The following AGBL4 variants were observed in gnomAD, a reference collection of about 807,000 sequenced individuals.
AGBL4 encodes cytosolic carboxypeptidase 6.
Under a neutral mutation model 66.4 loss-of-function variants are expected in AGBL4, and 58 were observed. The observed-to-expected ratio is 0.87, with a 90% CI of 0.71 to 1.09. AGBL4 has a LOEUF of 1.09. Ranked by LOEUF, AGBL4 falls within the 50% of genes least tolerant of loss-of-function variation. The probability of loss-of-function intolerance (pLI) is 0.00; values close to 1 mark genes in which losing one functional copy is unlikely to be tolerated. For synonymous variants in AGBL4, 234 were observed against 222.9 expected, an observed-to-expected ratio of 1.05 and a Z score of -0.44; for missense variants, 579 against 631.0, an observed-to-expected ratio of 0.92 and a Z score of 0.88.
chr1:48,893,835 C>G (rs551531306), intron 5 of AGBL4, among the ~76,000 whole-genome samples: 5 of 152,262 alleles, frequency 3.3e-5, no homozygotes, highest in Admixed American at 3.3e-4. Flanking sequence ...GCTAACACTA[C>G]GATCTCAGTC....
At chr1:48,676,864 A>G (rs1646373955) in intron 6 of AGBL4, among the ~76,000 whole-genome samples, 1 of 152,086 alleles carries the variant, frequency 6.6e-6, no homozygotes. Context: ...ATTCTAGTTC[A>G]GTGTTCTGGG....
intron 1 of AGBL4, among the ~76,000 whole-genome samples, chr1:49,883,053 T>C (rs1647586010): frequency 6.6e-6 from 1 of 152,134 alleles, no homozygotes; most frequent in African/African-American, 2.4e-5. Context: ...TTTCCAAGAA[T>C]GCAAGTAAGG....
chr1:48,630,623 C>T (rs968927752), intron 9 of AGBL4, among the ~76,000 whole-genome samples: 28 of 152,328 alleles, frequency 1.8e-4, no homozygotes, highest in African/African-American at 6.7e-4. Flanking sequence ...AATGGTCTCA[C>T]TGTCTCTAGT....
chr1:48,970,800 ATGAG>A (rs1427679557), intron 5 of AGBL4, among the ~76,000 whole-genome samples: 2 of 152,160 alleles, frequency 1.3e-5, no homozygotes, highest in East Asian at 3.9e-4. Context: ...TCAAGAGGCT[ATGAG>A]TGCTACTTCC....
At chr1:49,085,415 C>T (rs764564720) in intron 4 of AGBL4, among the ~76,000 whole-genome samples, 6 of 151,976 alleles carry the variant, frequency 3.9e-5, no homozygotes, top group Non-Finnish European at 1.5e-5. Flanking sequence ...CGCCAACTTT[C>T]TTGGTTCTCT....
intron 4 of AGBL4, among the ~76,000 whole-genome samples, chr1:49,081,120 A>G (rs1644802310): frequency 6.6e-6 from 1 of 152,218 alleles, no homozygotes; most frequent in South Asian, 2.1e-4. Flanking sequence ...CATTAACTAC[A>G]TACTACCCCA....
chr1:49,101,176 G>T (rs1430107729), intron 4 of AGBL4, among the ~76,000 whole-genome samples: 1 of 151,740 alleles, frequency 6.6e-6, no homozygotes, highest in Non-Finnish European at 1.5e-5. Context: ...GACTTCTAAG[G>T]AACTTTTTAT....
At chr1:49,158,767 T>C (rs530576433) in intron 4 of AGBL4, among the ~76,000 whole-genome samples, 1 of 151,926 alleles carries the variant, frequency 6.6e-6, no homozygotes, top group Non-Finnish European at 1.5e-5. Flanking sequence ...TGGCCGCATA[T>C]ATATTTAGGA....
chr1:49,462,899 G>T lies in AGBL4; in HGVS notation c.283-217035C>A, dbSNP rs1278142214. ...GAGGTTTATGGCAATAAGGTTACTT[G>T]AAATGGACTATTCTGAGATATCTAG... On this transcript the variant is annotated intron_variant, in intron 3 of 13. Transcript: ENST00000371839. Among the ~76,000 whole-genome samples the T allele has an allele frequency of 2.0e-5, 3 of 151,670 alleles. No individual in the cohort carries two copies. The East Asian group carries it at 5.8e-4, about 30-fold the overall frequency.
chr1:48,970,149 G>A (rs931441041), intron 5 of AGBL4, among the ~76,000 whole-genome samples: 1 of 152,136 alleles, frequency 6.6e-6, no homozygotes, highest in Non-Finnish European at 1.5e-5. Context: ...TAAATAAGCA[G>A]TAGACTTAAT....
chr1:49,290,441 C>G lies in AGBL4; in HGVS notation c.283-44577G>C, dbSNP rs569347259. Among the ~76,000 whole-genome samples, 6 of 152,186 alleles carry G rather than the reference C, an allele frequency of 3.9e-5. No homozygotes were observed. In the South Asian group the frequency reaches 1.2e-3, roughly 32 times the overall value. ...GTCACACAGTCTAATATTCTATTGG[C>G]TAGAGTAAGTCACATGTCTAAGCCC... On this transcript the variant is annotated intron_variant, in intron 3 of 13. Coordinates refer to ENST00000371839, the MANE Select transcript of AGBL4 (RefSeq NM_032785.4).
intron 5 of AGBL4, among the ~76,000 whole-genome samples, chr1:48,912,875 G>A (rs1014225927): frequency 2.6e-5 from 4 of 152,056 alleles, no homozygotes; most frequent in Admixed American, 2.0e-4. Context: ...TAGAATAAAC[G>A]TAAGGGATAA....
At chr1:49,112,716 A>G (rs1373165214) in intron 4 of AGBL4, among the ~76,000 whole-genome samples, 1 of 152,196 alleles carries the variant, frequency 6.6e-6, no homozygotes, top group East Asian at 1.9e-4. Flanking sequence ...CTCATCAATA[A>G]GAAGCAACTC....
At chr1:49,261,432 C>T (rs1461135088) in intron 3 of AGBL4, among the ~76,000 whole-genome samples, 8 of 152,030 alleles carry the variant, frequency 5.3e-5, no homozygotes, top group African/African-American at 1.9e-4. Context: ...CCCAAAATCT[C>T]CTTAAGCTGA....
chr1:49,598,430 A>G (rs1365070178), intron 3 of AGBL4, among the ~76,000 whole-genome samples: 2 of 152,132 alleles, frequency 1.3e-5, no homozygotes, highest in African/African-American at 4.8e-5. Flanking sequence ...TTTTCCTTCT[A>G]ACAGACAGGA....
intron 3 of AGBL4, among the ~76,000 whole-genome samples, chr1:49,311,056 G>A (rs1644933642): frequency 6.6e-6 from 1 of 151,978 alleles, no homozygotes; most frequent in African/African-American, 2.4e-5. Context: ...CATACTAATA[G>A]TACCTACTAA....
intron 6 of AGBL4, among the ~76,000 whole-genome samples, chr1:48,794,900 T>C (rs1304504430): frequency 1.3e-5 from 2 of 152,168 alleles, no homozygotes; most frequent in African/African-American, 2.4e-5. Flanking sequence ...ATCTCAAATA[T>C]TTCAAATCCA....
chr1:49,941,371 A>T (rs1255077253), intron 1 of AGBL4, among the ~76,000 whole-genome samples: 2 of 152,100 alleles, frequency 1.3e-5, no homozygotes, highest in Non-Finnish European at 2.9e-5. Flanking sequence ...AATACTACCA[A>T]ATTCATTTTT....
intron 4 of AGBL4, among the ~76,000 whole-genome samples, chr1:49,213,768 C>A (rs1648859286): frequency 6.6e-6 from 1 of 152,090 alleles, no homozygotes; most frequent in South Asian, 2.1e-4. Context: ...GGTTTGAGAT[C>A]CGGGCAGGCC....
Sources: gnomAD v4.1 joint callset for allele counts (sites outside exome capture counted in the v4.1 genomes callset) on GRCh38, gnomAD v4.1.1 for gene constraint, MANE v1.5 for transcripts, NCBI Gene and HGNC (gene_info 2026-07-23, HGNC 2026-07-21) for gene names.